CDIN1: variants seen among roughly 807,000 people sequenced by gnomAD.
The protein encoded by CDIN1 is CDAN1-interacting nuclease 1.
Under a neutral mutation model 45.3 loss-of-function variants are expected in CDIN1, and 33 were observed. The observed-to-expected ratio is 0.73, with a 90% CI of 0.55 to 0.97. CDIN1 has a LOEUF of 0.97. Among genes scored for constraint, CDIN1 ranks in the 50% least tolerant of loss-of-function variants. The pLI is 0.00. For synonymous variants in CDIN1, 118 were observed against 124.4 expected, an observed-to-expected ratio of 0.95 and a Z score of 0.34; for missense variants, 303 against 339.4, an observed-to-expected ratio of 0.89 and a Z score of 0.84.
At chr15:36,581,200 C>G (rs2037026235) in intron 1 of CDIN1, among the ~76,000 whole-genome samples, 1 of 152,204 alleles carries the variant, frequency 6.6e-6, no homozygotes, top group African/African-American at 2.4e-5. Flanking sequence ...GAAGACTGGT[C>G]AGCCAAGGGA....
intron 10 of CDIN1, among the ~76,000 whole-genome samples, chr15:36,791,863 T>A (rs1204038549): frequency 6.6e-6 from 1 of 152,210 alleles, no homozygotes. Flanking sequence ...CATCAATAAC[T>A]TCACACAAAG....
At position 36,728,338 on chromosome 15, in the gene CDIN1, C is replaced by T. The variant is rs373486611; in HGVS notation, c.716+18377C>T. Among the ~76,000 whole-genome samples the T allele has an allele frequency of 1.1e-4, 16 of 152,168 alleles. No homozygotes were observed. The East Asian group carries it at 2.7e-3, about 26-fold the overall frequency. The stretch of plus-strand genomic sequence containing the variant: ...CTTACAGTGATGACTTCCCAGTAAC[C>T]AACATTAAAATAGTTCTGCCCTGGA... On this transcript the variant is annotated intron_variant, in intron 10 of 10. Transcript: ENST00000566621.
intron 10 of CDIN1, among the ~76,000 whole-genome samples, chr15:36,726,841 A>G (rs576969814): frequency 5.0e-4 from 76 of 152,242 alleles, no homozygotes; most frequent in Non-Finnish European, 8.1e-4. Context: ...TTTTCTATAT[A>G]TGAAACAATC....
intron 10 of CDIN1, among the ~76,000 whole-genome samples, chr15:36,734,031 A>G (rs1173167160): frequency 1.3e-5 from 2 of 152,158 alleles, no homozygotes; most frequent in Non-Finnish European, 2.9e-5. Flanking sequence ...CCATGAAGCT[A>G]TTATATTTGA....
At chr15:36,793,826 C>T (rs1342955838) in intron 10 of CDIN1, among the ~76,000 whole-genome samples, 1 of 152,278 alleles carries the variant, frequency 6.6e-6, no homozygotes, top group East Asian at 1.9e-4. Context: ...GTGTGATCCC[C>T]ACTCTGCCTT....
At chr15:36,652,508 T>C (rs1166363496) in intron 3 of CDIN1, among the ~76,000 whole-genome samples, 2 of 152,196 alleles carry the variant, frequency 1.3e-5, no homozygotes, top group Non-Finnish European at 2.9e-5. Flanking sequence ...ATCAGTGCAG[T>C]GGCCTTGTTT....
chr15:36,692,016 T>TTTTTTTTTTTTTTTTGGGG, intron 6 of CDIN1, 110 bp from the exon 7 acceptor site: 1 of 521,036 alleles, frequency 1.9e-6, no homozygotes, highest in Non-Finnish European at 2.4e-6. Flanking sequence ...TTTCTTTTTT[T>TTTTTTTTTTTTTTTTGGGG]GGGGGGCGGG....
chr15:36,638,872 A>C (rs945138668), intron 1 of CDIN1, among the ~76,000 whole-genome samples: 2 of 152,230 alleles, frequency 1.3e-5, no homozygotes, highest in Non-Finnish European at 2.9e-5. Context: ...ATTAGCATAC[A>C]TGATTTGCAG....
intron 10 of CDIN1, among the ~76,000 whole-genome samples, chr15:36,783,721 G>A (rs1056287882): frequency 1.3e-5 from 2 of 152,212 alleles, no homozygotes; most frequent in African/African-American, 2.4e-5. Flanking sequence ...AACTGCTTGC[G>A]GAAGTTTAAT....
At chr15:36,706,042 T>C (rs1233382569) in intron 8 of CDIN1, 5 of 152,228 alleles carry the variant, frequency 3.3e-5, no homozygotes, top group Admixed American at 6.6e-5. Context: ...AGAAACAGTT[T>C]ATGTTACTTA....
chr15:36,728,960 C>T (rs183349564), intron 10 of CDIN1, among the ~76,000 whole-genome samples: 1 of 152,324 alleles, frequency 6.6e-6, no homozygotes, highest in East Asian at 1.9e-4. Flanking sequence ...AGGCGTGAGC[C>T]ACCACGCCTA....
At chr15:36,654,077 A>G in intron 3 of CDIN1, 21 bp from the exon 4 acceptor site, 3 of 1,562,672 alleles carry the variant, frequency 1.9e-6, no homozygotes, top group Non-Finnish European at 2.6e-6. Flanking sequence ...CTGCATTACC[A>G]CTTGGCTTTG....
intron 1 of CDIN1, among the ~76,000 whole-genome samples, chr15:36,643,920 T>G (rs987432233): frequency 2.0e-5 from 3 of 152,252 alleles, no homozygotes; most frequent in African/African-American, 7.2e-5. Flanking sequence ...CTCTACTGTT[T>G]ATGAGACTGA....
chr15:36,798,279 C>A (rs1196907910), intron 10 of CDIN1, among the ~76,000 whole-genome samples: 1 of 152,248 alleles, frequency 6.6e-6, no homozygotes, highest in East Asian at 1.9e-4. Flanking sequence ...TTTTTAAAAT[C>A]ATTTTTCCTT....
intron 10 of CDIN1, among the ~76,000 whole-genome samples, chr15:36,789,224 A>C (rs2094446251): frequency 3.3e-5 from 5 of 152,164 alleles, no homozygotes; most frequent in Admixed American, 2.6e-4. Context: ...CTGTCATTTA[A>C]CTTTGGGTAA....
chr15:36,765,076 G>A (rs1452745628), intron 10 of CDIN1, among the ~76,000 whole-genome samples: 1 of 44,064 alleles, frequency 2.3e-5, no homozygotes, highest in Admixed American at 2.7e-4. Flanking sequence ...TTTTTTTTTA[G>A]ATGGAGTCTC....
intron 1 of CDIN1, among the ~76,000 whole-genome samples, chr15:36,634,435 A>G (rs1248862432): frequency 1.3e-5 from 2 of 152,144 alleles, no homozygotes; most frequent in Non-Finnish European, 2.9e-5. Context: ...CAACAACAAC[A>G]ACAAAAAGTT....
chr15:36,735,815 G>C (rs564162310), intron 10 of CDIN1, among the ~76,000 whole-genome samples: 62 of 152,198 alleles, frequency 4.1e-4, no homozygotes, highest in African/African-American at 1.3e-3. Flanking sequence ...AATTATATTT[G>C]AGTTTAATTT....
intron 5 of CDIN1, among the ~76,000 whole-genome samples, chr15:36,670,811 A>G (rs958274105): frequency 2.0e-5 from 3 of 152,120 alleles, no homozygotes; most frequent in African/African-American, 4.8e-5. Context: ...TGAGATAGAG[A>G]AAAGTGTAGC....
Sources: allele counts gnomAD v4.1 joint callset (sites outside exome capture counted in the v4.1 genomes callset), GRCh38; gene constraint gnomAD v4.1.1; transcripts MANE v1.5; gene names NCBI Gene and HGNC (gene_info 2026-07-23, HGNC 2026-07-21).